The following KCNT2 variants were observed in gnomAD, a reference collection of about 807,000 sequenced individuals.
KCNT2 encodes the protein potassium channel subfamily T member 2.
Under a neutral mutation model 153.8 loss-of-function variants are expected in KCNT2, and 67 were observed. The ratio of observed to expected loss-of-function variants is 0.44; its 90% CI spans 0.36 to 0.53. The LOEUF (loss-of-function observed/expected upper bound fraction) is 0.53, where lower values mean the gene tolerates loss of function less well. Among genes scored for constraint, KCNT2 ranks in the 20% least tolerant of loss-of-function variants. The probability of loss-of-function intolerance (pLI) is 0.00; values close to 1 mark genes in which losing one functional copy is unlikely to be tolerated. For synonymous variants in KCNT2, 500 were observed against 458.8 expected (o/e 1.09, Z -1.15); for missense variants, 975 against 1,354.8 (o/e 0.72, Z 4.40).
At chr1:196,493,134 A>G (rs1679980973) in intron 1 of KCNT2, among the ~76,000 whole-genome samples, 1 of 152,226 alleles carries the variant, frequency 6.6e-6, no homozygotes, top group Admixed American at 6.5e-5. Context: ...AATCTTGTTC[A>G]GTGCAAGGTA....
intron 13 of KCNT2, among the ~76,000 whole-genome samples, chr1:196,383,803 A>C (rs1669712204): frequency 6.6e-6 from 1 of 152,180 alleles, no homozygotes; most frequent in Non-Finnish European, 1.5e-5. Flanking sequence ...AAATGTATTC[A>C]ATGTTGCCCT....
chr1:196,451,411 T>G (rs1394684873), intron 8 of KCNT2, among the ~76,000 whole-genome samples: 2 of 112,122 alleles, frequency 1.8e-5, no homozygotes, highest in Non-Finnish European at 3.7e-5. Context: ...CAACACATTT[T>G]TTTTTTTTTT....
chr1:196,334,950 G>GCAAGCC (rs1309617845), intron 16 of KCNT2, among the ~76,000 whole-genome samples: 6 of 152,094 alleles, frequency 3.9e-5, no homozygotes, highest in African/African-American at 7.2e-5. Context: ...AGTAAGAATG[G>GCAAGCC]CAAGCCCAAG....
In KCNT2 at chr1:196,428,352, T is replaced by C; in HGVS notation, c.820-83A>G. ...TGCAATACATCTATTGTTTATTAGG[T>C]ATTTTCAATTTCCTAGATGGAACTC... On this transcript the variant is annotated intron_variant, in intron 9 of 27. Transcript: ENST00000294725. The C allele has an allele frequency of 4.2e-6, 4 of 960,808 alleles. No homozygotes were observed. The South Asian group carries it at 6.2e-5, about 15-fold the overall frequency. 59.5% of individuals were successfully genotyped at this position (960,808 alleles called of 1,614,324 possible). A position where few individuals can be genotyped will look rare whatever the true frequency, so the allele number is the denominator to read the frequency against.
At chr1:196,331,719 G>A (rs1238503301) in intron 17 of KCNT2, among the ~76,000 whole-genome samples, 1 of 151,932 alleles carries the variant, frequency 6.6e-6, no homozygotes, top group Admixed American at 6.6e-5. Flanking sequence ...TCACAGCTTA[G>A]AAGATTTTCA....
chr1:196,420,125 G>A (rs1009000615), intron 12 of KCNT2, among the ~76,000 whole-genome samples: 5 of 151,466 alleles, frequency 3.3e-5, no homozygotes, highest in Non-Finnish European at 1.5e-5. Context: ...AATGTTCTTA[G>A]GTTTACCTTC....
chr1:196,292,458 C>T (rs758332198), intron 22 of KCNT2, among the ~76,000 whole-genome samples: 5 of 152,130 alleles, frequency 3.3e-5, no homozygotes, highest in Non-Finnish European at 7.4e-5. Flanking sequence ...ACACAGTATT[C>T]GAAGTTCTGG....
At chr1:196,411,494 T>C (rs1672334323) in intron 12 of KCNT2, among the ~76,000 whole-genome samples, 2 of 132,572 alleles carry the variant, frequency 1.5e-5, no homozygotes, top group South Asian at 5.0e-4. Flanking sequence ...CTGATGGAAA[T>C]AGTGAACACA....
chr1:196,467,397 A>G (rs572661392), intron 7 of KCNT2, among the ~76,000 whole-genome samples: 2 of 151,458 alleles, frequency 1.3e-5, no homozygotes, highest in African/African-American at 2.4e-5. Context: ...TTAACTTTCA[A>G]ATTTACACTA....
chr1:196,380,909 C>T (rs781617418), intron 13 of KCNT2, among the ~76,000 whole-genome samples: 19 of 152,092 alleles, frequency 1.2e-4, no homozygotes, highest in Non-Finnish European at 2.6e-4. Context: ...CATGCGTGCG[C>T]GTGCATATGA....
intron 14 of KCNT2, among the ~76,000 whole-genome samples, chr1:196,352,989 A>G (rs1666864238): frequency 2.0e-5 from 3 of 152,052 alleles, no homozygotes; most frequent in South Asian, 2.1e-4. Context: ...CAGGTTGTTC[A>G]GTTTCCATGT....
chr1:196,389,729 AGAT>A (rs763395693), intron 13 of KCNT2, among the ~76,000 whole-genome samples: 3 of 151,654 alleles, frequency 2.0e-5, no homozygotes, highest in Non-Finnish European at 4.4e-5. Flanking sequence ...ACAGAAACAC[AGAT>A]AATAGGTTTG....
chr1:196,564,612 T>C (rs1334279425), intron 1 of KCNT2, among the ~76,000 whole-genome samples: 1 of 151,762 alleles, frequency 6.6e-6, no homozygotes, highest in Non-Finnish European at 1.5e-5. Flanking sequence ...CACAAAGCTA[T>C]AGTAATCAAA....
rs551885133 is a variant in KCNT2 at position 196,557,200 on chromosome 1, G to A, written c.95+51015C>T. 2.5e-3 allele frequency among the ~76,000 whole-genome samples: 382 copies of A among 151,264 alleles called. 1 individual carries two copies. Among genetic ancestry groups the A allele is most frequent in the Non-Finnish European group, 4.3e-3 (292 of 67,468 alleles). Reference sequence around the variant, plus strand: ...AGGGTATAGATACCCTATTTTCCATGATGTGATTATTATGCATCATGTACC... The same window carrying A: ...AGGGTATAGATACCCTATTTTCCATAATGTGATTATTATGCATCATGTACC... On this transcript the variant is annotated intron_variant, in intron 1 of 27. Coordinates refer to ENST00000294725, the MANE Select transcript of KCNT2 (RefSeq NM_198503.5).
intron 13 of KCNT2, among the ~76,000 whole-genome samples, chr1:196,375,686 A>C (rs1468870117): frequency 1.3e-5 from 2 of 151,682 alleles, no homozygotes; most frequent in Non-Finnish European, 3.0e-5. Flanking sequence ...TTATGTGTAT[A>C]GATAGTTATA....
At chr1:196,471,070 A>AT (rs983644614) in intron 5 of KCNT2, among the ~76,000 whole-genome samples, 104 of 146,128 alleles carry the variant, frequency 7.1e-4, no homozygotes, top group South Asian at 1.7e-3. Context: ...TCTTTTTTTA[A>AT]TTTTTTTTTT....
chr1:196,547,928 T>G (rs1406325134), intron 1 of KCNT2, among the ~76,000 whole-genome samples: 1 of 151,802 alleles, frequency 6.6e-6, no homozygotes, highest in African/African-American at 2.4e-5. Flanking sequence ...CAGCTAGGGA[T>G]AGTCTAAAAT....
In KCNT2 at chr1:196,418,550, C is replaced by T. The variant is rs567259827; in HGVS notation, c.1185+4500G>A. ...ATTTATTTTCTCACAGTTCTGGCAA[C>T]TGGAATTTCTAGGACAAGGTCCCAG... On this transcript the variant is annotated intron_variant, in intron 12 of 27. Transcript: ENST00000294725. Among the ~76,000 whole-genome samples, 3 of 152,096 alleles carry T rather than the reference C, an allele frequency of 2.0e-5. No homozygotes were observed. The South Asian group carries it at 6.2e-4, about 32-fold the overall frequency.
chr1:196,432,028 G>A (rs986174601), intron 8 of KCNT2, among the ~76,000 whole-genome samples: 16 of 151,996 alleles, frequency 1.1e-4, no homozygotes, highest in African/African-American at 3.9e-4. Flanking sequence ...TAGTTTCAAC[G>A]GAGGAAACCA....
Sources: allele counts gnomAD v4.1 joint callset (sites outside exome capture counted in the v4.1 genomes callset), GRCh38; gene constraint gnomAD v4.1.1; transcripts MANE v1.5; gene names NCBI Gene and HGNC (gene_info 2026-07-23, HGNC 2026-07-21).